The following TSC22D2 variants were observed in gnomAD, a reference collection of about 807,000 sequenced individuals.
The protein encoded by TSC22D2 is TSC22 domain family member 2, also known as TSC22 domain family protein 2.
A neutral mutation model predicts 50.1 loss-of-function variants in TSC22D2; 5 were observed. The observed-to-expected ratio is 0.10, with a 90% CI of 0.05 to 0.21. The LOEUF (loss-of-function observed/expected upper bound fraction) is 0.21, where lower values mean the gene tolerates loss of function less well. Among genes scored for constraint, TSC22D2 ranks in the 10% least tolerant of loss-of-function variants. The probability of loss-of-function intolerance (pLI) is 1.00; values close to 1 mark genes in which losing one functional copy is unlikely to be tolerated. For missense variants in TSC22D2, 1,003 were observed against 1,015.5 expected, an observed-to-expected ratio of 0.99 and a Z score of 0.17; for synonymous variants, 501 against 450.1, an observed-to-expected ratio of 1.11 and a Z score of -1.43.
In TSC22D2 at chr3:150,410,603, A is replaced by G. The variant is rs1719504258; in HGVS notation, c.1253A>G (p.Asn418Ser). The change falls in exon 1 of 3, where the codon AAT (asparagine) becomes AGT (serine). Residue 418 changes from asparagine (N) to serine (S), a missense_variant. Asn to Ser is a conservative substitution (Grantham distance 46, BLOSUM62 1). Coordinates refer to ENST00000688009, the MANE Select transcript of TSC22D2 (RefSeq NM_001303264.2). ...ACCCTTCCCGTGGGCACCGGCCAGA[A>G]TGCTTCCTCGGTGGGCGCGCAGCTC... Reference protein sequence around the residue: ...AATLPVGTGQNASSVGAQLMG... With the variant: ...AATLPVGTGQSASSVGAQLMG... 1 of 1,561,644 alleles carries G rather than the reference A, an allele frequency of 6.4e-7. No homozygotes were observed. The highest frequency in any genetic ancestry group is 8.7e-7 in the Non-Finnish European group (1 of 1,154,584).
At position 150,464,348 on chromosome 3, in the gene TSC22D2, T is replaced by C. The variant is rs1405695152; in HGVS notation, c.*5712T>C. 9 of 152,154 alleles carry C rather than the reference T, an allele frequency of 5.9e-5. No individual in the cohort carries two copies. The highest frequency in any genetic ancestry group is 3.3e-4 in the Admixed American group (5 of 15,272). The allele number at this position is 152,154 out of a possible 1,614,324, so 9.4% of individuals were successfully genotyped here. A position where few individuals can be genotyped will look rare whatever the true frequency, so the allele number is the denominator to read the frequency against. On this transcript the variant is annotated 3_prime_UTR_variant, in exon 3 of 3. Transcript: ENST00000688009. ...GAAATAATAACAGGTCAGTGGCTAATAAAAAGAAACATGTATGACTTTGTA... is the reference window on the plus strand; with the variant it reads ...GAAATAATAACAGGTCAGTGGCTAACAAAAAGAAACATGTATGACTTTGTA...
Position 150,410,956 on chromosome 3 carries a change from G to A in TSC22D2, c.1606G>A (p.Ala536Thr). The change falls in exon 1 of 3, where the codon GCC becomes ACC. Residue 536 changes from alanine (A) to threonine (T), a missense_variant. By Grantham distance (58) the Ala-to-Thr change is moderately conservative (BLOSUM62 0). This residue lies in a region of TSC22D2 where 696 missense variants were observed against 647.8 expected (regional missense o/e 1.07). Transcript: ENST00000688009. ...TATGCCAAATGTACCCGCGCCTCTG[G>A]CCCAGTCGCAACAGCTGAGCAGCCA... The part of the protein sequence containing the change: ...VTMPNVPAPL[A>T]QSQQLSSHTP... 6.2e-7 allele frequency: 1 copy of A among 1,614,092 alleles called. No homozygotes were observed. Among genetic ancestry groups the A allele is most frequent in the East Asian group, 2.2e-5 (1 of 44,876 alleles).
chr3:150,453,498 C>T (rs1329653505), intron 1 of TSC22D2, among the ~76,000 whole-genome samples: 2 of 152,210 alleles, frequency 1.3e-5, no homozygotes, highest in Admixed American at 1.3e-4. Context: ...CAGTGGTTCT[C>T]ATACTTTAGT....
intron 1 of TSC22D2, among the ~76,000 whole-genome samples, chr3:150,450,370 T>G (rs1721004142): frequency 6.6e-6 from 1 of 152,050 alleles, no homozygotes; most frequent in African/African-American, 2.4e-5. Flanking sequence ...AAGTAGAAAT[T>G]TTACCTGCTT....
At chr3:150,436,270 T>A (rs540662801) in intron 1 of TSC22D2, among the ~76,000 whole-genome samples, 1 of 152,272 alleles carries the variant, frequency 6.6e-6, no homozygotes, top group South Asian at 2.1e-4. Context: ...AAATAACTGC[T>A]TCATATGACT....
At chr3:150,430,333 A>T (rs1197787882) in intron 1 of TSC22D2, among the ~76,000 whole-genome samples, 1 of 152,166 alleles carries the variant, frequency 6.6e-6, no homozygotes, top group Non-Finnish European at 1.5e-5. Context: ...TAACATTTGA[A>T]GACAGGAGAG....
At chr3:150,440,604 T>A (rs1720683363) in intron 1 of TSC22D2, among the ~76,000 whole-genome samples, 2 of 145,694 alleles carry the variant, frequency 1.4e-5, no homozygotes, top group African/African-American at 5.0e-5. Context: ...GATAGTGGGA[T>A]ATATTGCATG....
rs965645496 is a variant in TSC22D2 at position 150,410,049 on chromosome 3, G to A, written c.699G>A (p.Gln233=). Residue 233 remains glutamine, a synonymous_variant, in exon 1 of 3, where the codon CAG becomes CAA. Coordinates refer to ENST00000688009, the MANE Select transcript of TSC22D2 (RefSeq NM_001303264.2). ...TGGTGGTAGTAGTGGCCTCCATGCA[G>A]GGGGCGCACGGGCCCGAGTCGGGAA... ...GSVVVVVASM[Q]GAHGPESGTD... is the part of the protein sequence containing the mutation. The A allele has an allele frequency of 3.7e-6, 6 of 1,613,084 alleles. No homozygotes were observed. In the African/African-American group the frequency reaches 5.3e-5, roughly 14 times the overall value.
At chr3:150,426,918 A>G (rs1260130187) in intron 1 of TSC22D2, among the ~76,000 whole-genome samples, 1 of 152,184 alleles carries the variant, frequency 6.6e-6, no homozygotes, top group African/African-American at 2.4e-5. Context: ...TCTTATTTAA[A>G]TAGCCTCAAG....
At position 150,410,652 on chromosome 3, in the gene TSC22D2, C is replaced by T; in HGVS notation, c.1302C>T (p.Ser434=). The change falls in exon 1 of 3, where the codon AGC becomes AGT. Residue 434 remains serine, a synonymous_variant. Coordinates refer to ENST00000688009, the MANE Select transcript of TSC22D2 (RefSeq NM_001303264.2). ...AQLMGASSQP[S]EAMAPRTGPA... The stretch of plus-strand genomic sequence containing the variant: ...TCATGGGCGCGTCTTCCCAGCCCAG[C>T]GAAGCCATGGCCCCCCGGACGGGAC... 6.4e-7 allele frequency: 1 copy of T among 1,553,754 alleles called. No individual in the cohort carries two copies. The highest frequency in any genetic ancestry group is 1.2e-5 in the South Asian group (1 of 84,988).
Position 150,409,533 on chromosome 3 carries a change from G to A in TSC22D2, c.183G>A (p.Glu61=). ...VSRATDYGPE[E]VCERSSSEET... ...GGGCCACGGATTATGGCCCTGAGGAGGTCTGCGAGCGCAGCTCTTCCGAAG... is the reference window on the plus strand; with the variant it reads ...GGGCCACGGATTATGGCCCTGAGGAAGTCTGCGAGCGCAGCTCTTCCGAAG... The change falls in exon 1 of 3, where the codon GAG becomes GAA. Residue 61 remains glutamate (E), a synonymous_variant. Transcript: ENST00000688009. This position sits in a 1 kb window ranked among gnomAD's most constrained non-coding sequence, Gnocchi z 7.4. 1 of 1,607,412 alleles carries A rather than the reference G, an allele frequency of 6.2e-7. No individual in the cohort carries two copies. The highest frequency in any genetic ancestry group is 2.2e-5 in the East Asian group (1 of 44,590).
At chr3:150,453,024 AGTAATT>A (rs1721086828) in intron 1 of TSC22D2, among the ~76,000 whole-genome samples, 7 of 152,210 alleles carry the variant, frequency 4.6e-5, no homozygotes, top group Admixed American at 4.6e-4. Context: ...CTTCTGTAGC[AGTAATT>A]GTAACACTTG....
At position 150,411,165 on chromosome 3, in the gene TSC22D2, A is replaced by G; in HGVS notation, c.1815A>G (p.Pro605=). ...AATCAGAACCCCTACCTCAACCACC[A>G]CTTTCTCTCATTGCTGAAAATAAGC... ...RRKSEPLPQP[P]LSLIAENKPV... Residue 605 remains proline, a synonymous_variant, in exon 1 of 3, where the codon CCA becomes CCG. Transcript: ENST00000688009. 2 of 1,613,994 alleles carry G rather than the reference A, an allele frequency of 1.2e-6. No individual in the cohort carries two copies. Among genetic ancestry groups the G allele is most frequent in the African/African-American group, 1.3e-5 (1 of 74,988 alleles).
intron 1 of TSC22D2, among the ~76,000 whole-genome samples, chr3:150,415,547 C>T (rs189451476): frequency 2.6e-5 from 4 of 152,342 alleles, no homozygotes; most frequent in Admixed American, 2.6e-4. Context: ...GGAGCGGTAG[C>T]TCATGCCTTG....
Position 150,466,282 on chromosome 3 carries a change from G to T in TSC22D2, c.*7646G>T, listed in dbSNP as rs1019567191. On this transcript the variant is annotated 3_prime_UTR_variant, in exon 3 of 3. Coordinates refer to ENST00000688009, the MANE Select transcript of TSC22D2 (RefSeq NM_001303264.2). ...ATATTTGTGTATTATATAGAGAGAA[G>T]GTCTGGAAGGATACTAACCAAACTG... 1 of 151,074 alleles carries T rather than the reference G, an allele frequency of 6.6e-6. No homozygotes were observed. The highest frequency in any genetic ancestry group is 1.9e-4 in the East Asian group (1 of 5,160). The allele number at this position is 151,074 out of a possible 1,614,324, so 9.4% of individuals were successfully genotyped here. A position where few individuals can be genotyped will look rare whatever the true frequency, so the allele number is the denominator to read the frequency against.
At chr3:150,457,286 G>C (rs1721219542) in intron 2 of TSC22D2, among the ~76,000 whole-genome samples, 159 bp downstream of exon 2, 1 of 152,104 alleles carries the variant, frequency 6.6e-6, no homozygotes, top group Non-Finnish European at 1.5e-5. Context: ...AGAACGTTGA[G>C]AACTTTTAGT....
rs890624608 is a variant in TSC22D2, at chr3:150,459,616, T to C, written c.*980T>C. On this transcript the variant is annotated 3_prime_UTR_variant, in exon 3 of 3. Coordinates refer to ENST00000688009, the MANE Select transcript of TSC22D2 (RefSeq NM_001303264.2). Reference sequence around the variant, plus strand: ...TTTTTTTTTTTATAATGCACATTCTTTATGTATTTTTATTTAGTGTTTTCT... The same window carrying C: ...TTTTTTTTTTTATAATGCACATTCTCTATGTATTTTTATTTAGTGTTTTCT... 6.6e-6 allele frequency: 1 copy of C among 150,696 alleles called. No homozygotes were observed. The highest frequency in any genetic ancestry group is 2.4e-5 in the African/African-American group (1 of 41,118). The allele number at this position is 150,696 out of a possible 1,614,324, so 9.3% of individuals were successfully genotyped here. A position where few individuals can be genotyped will look rare whatever the true frequency, so the allele number is the denominator to read the frequency against.
Position 150,464,990 on chromosome 3 carries a change from TAAG to T in TSC22D2, c.*6357_*6359del, listed in dbSNP as rs1721513282. On this transcript the variant is annotated 3_prime_UTR_variant, in exon 3 of 3. Transcript: ENST00000688009. ...TCAGCTACCATTTAATGAACCAAGT[TAAG>T]AATAACTCAGGTGACTGATACCAAA... The T allele has an allele frequency of 6.6e-6, 1 of 152,178 alleles. No individual in the cohort carries two copies. The highest frequency in any genetic ancestry group is 1.5e-5 in the Non-Finnish European group (1 of 68,020). The allele number at this position is 152,178 out of a possible 1,614,324, so 9.4% of individuals were successfully genotyped here. A position where few individuals can be genotyped will look rare whatever the true frequency, so the allele number is the denominator to read the frequency against.
chr3:150,427,920 C>T lies in TSC22D2; in HGVS notation c.1958+16612C>T, dbSNP rs187973348. ...TCTTGTATGTCCTTTACCTAGCCTC[C>T]CTTAATGTTAACATGTTGTACAACC... is the stretch of plus-strand genomic sequence containing the variant. On this transcript the variant is annotated intron_variant, in intron 1 of 2. Transcript: ENST00000688009. Among the ~76,000 whole-genome samples, 16 of 152,046 alleles carry T rather than the reference C, an allele frequency of 1.1e-4. No individual in the cohort carries two copies. In the East Asian group the frequency reaches 2.3e-3, roughly 22 times the overall value.
Sources: allele counts gnomAD v4.1 joint callset (sites outside exome capture counted in the v4.1 genomes callset), GRCh38; gene constraint gnomAD v4.1.1; regional missense constraint gnomAD v4.1.1; non-coding constraint Gnocchi (gnomAD v3.1); transcripts MANE v1.5; gene names NCBI Gene and HGNC (gene_info 2026-07-23, HGNC 2026-07-21).